SWT1: variants seen among roughly 807,000 people sequenced by gnomAD.
SWT1 encodes SWT1 RNA endoribonuclease homolog.
SWT1 carries 33 observed loss-of-function variants against 107.3 expected under a neutral mutation model. The observed-to-expected ratio is 0.31, with a 90% CI of 0.23 to 0.41. The LOEUF (loss-of-function observed/expected upper bound fraction) is 0.41, where lower values mean the gene tolerates loss of function less well. SWT1 is among the 10% of genes least tolerant of loss of function. SWT1 has a pLI of 1.00. For missense variants in SWT1, 898 were observed against 1,028.9 expected (o/e 0.87, Z 1.74); for synonymous variants, 345 against 348.3 (o/e 0.99, Z 0.11).
chr1:185,209,485 T>C (rs948493164), intron 13 of SWT1, among the ~76,000 whole-genome samples: 17 of 152,194 alleles, frequency 1.1e-4, no homozygotes, highest in African/African-American at 3.9e-4. Flanking sequence ...TTTGGTTTTC[T>C]GTTCTTGTGT....
chr1:185,256,414 A>T (rs1662525494), intron 16 of SWT1, among the ~76,000 whole-genome samples: 1 of 151,174 alleles, frequency 6.6e-6, no homozygotes, highest in African/African-American at 2.4e-5. Context: ...ACTTTCAGGT[A>T]CACCAATCAG....
At chr1:185,220,069 G>C (rs1659522562) in intron 14 of SWT1, among the ~76,000 whole-genome samples, 1 of 143,752 alleles carries the variant, frequency 7.0e-6, no homozygotes, top group Non-Finnish European at 1.5e-5. Flanking sequence ...AGTCCTAGAG[G>C]CAGAGGTTGC....
intron 16 of SWT1, among the ~76,000 whole-genome samples, chr1:185,253,380 G>C (rs1431343085): frequency 6.6e-6 from 1 of 151,616 alleles, no homozygotes; most frequent in Non-Finnish European, 1.5e-5. Context: ...GGGCAGTATG[G>C]CCATTTTCAC....
intron 5 of SWT1, 91 bp downstream of exon 5, chr1:185,175,204 T>G (rs1655436482): frequency 3.6e-6 from 3 of 838,356 alleles, no homozygotes; most frequent in South Asian, 3.8e-5. Flanking sequence ...TTTTTTCTGT[T>G]TTTTTTTTTT....
At chr1:185,259,495 C>G (rs938954609) in intron 16 of SWT1, among the ~76,000 whole-genome samples, 1 of 152,100 alleles carries the variant, frequency 6.6e-6, no homozygotes, top group Non-Finnish European at 1.5e-5. Flanking sequence ...TCACAATAAT[C>G]AGATTTGAAC....
intron 16 of SWT1, among the ~76,000 whole-genome samples, chr1:185,236,027 A>G (rs1660846830): frequency 6.6e-6 from 1 of 152,190 alleles, no homozygotes; most frequent in Admixed American, 6.5e-5. Context: ...ACTACAAACC[A>G]CTGCTCAAAG....
Position 185,182,045 on chromosome 1 carries a change from C to T in SWT1, c.1126C>T (p.His376Tyr), listed in dbSNP as rs1294487345. 29 of 1,613,536 alleles carry T rather than the reference C, an allele frequency of 1.8e-5. No individual in the cohort carries two copies. The highest frequency in any genetic ancestry group is 2.5e-5 in the Non-Finnish European group (29 of 1,179,664). The change falls in exon 7 of 19, where the codon CAT becomes TAT. Residue 376 changes from histidine (H) to tyrosine (Y), a missense_variant. Transcript: ENST00000367500. The part of the protein sequence containing the change: ...SMEIDLEDDV[H>Y]SSSANNTSDR... The stretch of plus-strand genomic sequence containing the variant: ...GGAAATTGACTTAGAAGATGATGTA[C>T]ATTCCTCCTCTGGTATACCCTATAT...
chr1:185,267,166 A>AGTG (rs1558090100), intron 16 of SWT1, among the ~76,000 whole-genome samples: 1 of 152,208 alleles, frequency 6.6e-6, no homozygotes, highest in Non-Finnish European at 1.5e-5. Context: ...ACATCTGAAA[A>AGTG]GTGGTTATTA....
At chr1:185,288,790 C>CACTTTGAATTCT (rs1224670393) in intron 18 of SWT1, among the ~76,000 whole-genome samples, 7 of 152,046 alleles carry the variant, frequency 4.6e-5, no homozygotes, top group Non-Finnish European at 8.8e-5. Flanking sequence ...AATTCTTTGA[C>CACTTTGAATTCT]ACTTTGAATT....
At chr1:185,265,110 A>G (rs1193043667) in intron 16 of SWT1, among the ~76,000 whole-genome samples, 1 of 152,162 alleles carries the variant, frequency 6.6e-6, no homozygotes, top group East Asian at 1.9e-4. Flanking sequence ...ACTTTGTCCA[A>G]ACTTTTATCA....
At chr1:185,181,524 G>A (rs376337480) in intron 6 of SWT1, among the ~76,000 whole-genome samples, 3 of 152,132 alleles carry the variant, frequency 2.0e-5, no homozygotes, top group South Asian at 4.1e-4. Flanking sequence ...AATGCTTACT[G>A]TCAAGATAAA....
intron 16 of SWT1, among the ~76,000 whole-genome samples, chr1:185,250,313 T>C (rs1033168469): frequency 1.6e-4 from 24 of 152,206 alleles, no homozygotes; most frequent in Middle Eastern, 3.4e-3. Flanking sequence ...AAAGGGCCTT[T>C]TGTGTATCTG....
rs1206669074 is a variant in SWT1 at position 185,266,795 on chromosome 1, A to G, written c.2442-4528A>G. Among the ~76,000 whole-genome samples the G allele has an allele frequency of 4.6e-5, 7 of 152,302 alleles. No homozygotes were observed. The East Asian group carries it at 7.7e-4, about 17-fold the overall frequency. ...GATAAATAGAATACTGAGAGTGCCTATGTGACTGAGTCAGGGCCGCTAGTG... is the reference window on the plus strand; with the variant it reads ...GATAAATAGAATACTGAGAGTGCCTGTGTGACTGAGTCAGGGCCGCTAGTG... On this transcript the variant is annotated intron_variant, in intron 16 of 18. Coordinates refer to ENST00000367500, the MANE Select transcript of SWT1 (RefSeq NM_017673.7).
intron 16 of SWT1, among the ~76,000 whole-genome samples, chr1:185,248,259 A>G (rs1216679049): frequency 6.6e-6 from 1 of 151,902 alleles, no homozygotes; most frequent in East Asian, 1.9e-4. Context: ...AGGGACTAAT[A>G]TGCAAACAAC....
At chr1:185,166,502 G>C in intron 2 of SWT1, 70 bp from the exon 3 acceptor site, 1 of 965,708 alleles carries the variant, frequency 1.0e-6, no homozygotes, top group East Asian at 2.5e-5. Flanking sequence ...TACTAGTGAT[G>C]AAATAGTTCT....
At chr1:185,277,635 G>A (rs192033281) in intron 18 of SWT1, among the ~76,000 whole-genome samples, 1 of 152,016 alleles carries the variant, frequency 6.6e-6, no homozygotes, top group Admixed American at 6.6e-5. Flanking sequence ...CTTTGACCTC[G>A]CATACCCTCT....
intron 2 of SWT1, among the ~76,000 whole-genome samples, chr1:185,162,463 G>A (rs1654232603): frequency 6.6e-6 from 1 of 152,076 alleles, no homozygotes; most frequent in African/African-American, 2.4e-5. Flanking sequence ...CTCCTTATTG[G>A]TGACTGCTTC....
At chr1:185,222,058 T>C in intron 15 of SWT1, 22 bp downstream of exon 15, 1 of 1,440,582 alleles carries the variant, frequency 6.9e-7, no homozygotes, top group Non-Finnish European at 9.2e-7. Flanking sequence ...GGGGGAATTT[T>C]TTTTTAGTTA....
At position 185,168,932 on chromosome 1, in the gene SWT1, A is replaced by G. The variant is rs187259159; in HGVS notation, c.224+534A>G. Among the ~76,000 whole-genome samples the G allele has an allele frequency of 1.8e-3, 279 of 152,332 alleles. 1 individual carries two copies. Among genetic ancestry groups the G allele is most frequent in the Non-Finnish European group, 1.3e-3 (86 of 68,018 alleles). ...TCAGTGAAATTTTGGTGCAGAAAGT[A>G]CTTGCTGCTAATGGGGATAAATAAG... On this transcript the variant is annotated intron_variant, in intron 4 of 18. Coordinates refer to ENST00000367500, the MANE Select transcript of SWT1 (RefSeq NM_017673.7).
Sources: allele counts gnomAD v4.1 joint callset (sites outside exome capture counted in the v4.1 genomes callset), GRCh38; gene constraint gnomAD v4.1.1; transcripts MANE v1.5; gene names NCBI Gene and HGNC (gene_info 2026-07-23, HGNC 2026-07-21).